The following WNT2B variants were observed in gnomAD, a reference collection of about 807,000 sequenced individuals.
WNT2B encodes protein Wnt-2b.
WNT2B carries 19 observed loss-of-function variants against 40.5 expected under a neutral mutation model. The observed-to-expected ratio is 0.47, with a 90% CI of 0.33 to 0.69. WNT2B has a LOEUF of 0.69. WNT2B is among the 30% of genes least tolerant of loss of function. The probability of loss-of-function intolerance (pLI) is 0.02; values close to 1 mark genes in which losing one functional copy is unlikely to be tolerated. For synonymous variants in WNT2B, 220 were observed against 211.9 expected, an observed-to-expected ratio of 1.04 and a Z score of -0.33; for missense variants, 467 against 556.4, an observed-to-expected ratio of 0.84 and a Z score of 1.62.
At chr1:112,491,970 C>T (rs1322051192) in intron 1 of WNT2B, among the ~76,000 whole-genome samples, 2 of 152,066 alleles carry the variant, frequency 1.3e-5, no homozygotes, top group African/African-American at 4.8e-5. Context: ...GTTTCATCAT[C>T]ATGGGAGTGA....
At chr1:112,495,738 A>G (rs535797592) in intron 1 of WNT2B, among the ~76,000 whole-genome samples, 5 of 152,354 alleles carry the variant, frequency 3.3e-5, no homozygotes, top group African/African-American at 9.6e-5. Flanking sequence ...TATAAACAAA[A>G]ACACTATTTT....
intron 1 of WNT2B, among the ~76,000 whole-genome samples, chr1:112,489,385 C>T (rs1442714279): frequency 6.6e-6 from 1 of 151,864 alleles, no homozygotes; most frequent in Non-Finnish European, 1.5e-5. Context: ...ATGGTGAAAG[C>T]CCATCTCTAC....
upstream of WNT2B, chr1:112,508,901 G>T: frequency 9.5e-7 from 1 of 1,055,046 alleles, no homozygotes; most frequent in Non-Finnish European, 1.1e-6. This position sits in a 1 kb window ranked among gnomAD's most constrained non-coding sequence, Gnocchi z 4.2. Context: ...AGGGCCGCGC[G>T]TGTCCCCGGC....
intron 1 of WNT2B, among the ~76,000 whole-genome samples, chr1:112,502,084 G>A (rs1225892227): frequency 3.9e-5 from 6 of 152,234 alleles, no homozygotes. Context: ...TCCGGGGCTG[G>A]GGCCCTGGCC....
In WNT2B at chr1:112,495,430, C is replaced by CA. The variant is rs796075579; in HGVS notation, c.-94-19435dup. Among the ~76,000 whole-genome samples the CA allele has an allele frequency of 3.1e-3, 468 of 150,304 alleles. 2 individuals are homozygous for CA. The highest frequency in any genetic ancestry group is 0.011 in the African/African-American group (434 of 41,052). On this transcript the variant is annotated intron_variant, in intron 1 of 4. Coordinates refer to the WNT2B transcript ENST00000256640. ...GTCTCTACTAAAAATACAAAAAAAA[C>CA]AAAAAAAAATTAGCTGGGCATGGTG...
At chr1:112,479,700 A>C (rs1469689711) in intron 1 of WNT2B, among the ~76,000 whole-genome samples, 1 of 151,966 alleles carries the variant, frequency 6.6e-6, no homozygotes, top group African/African-American at 2.4e-5. Context: ...AATTGAAGTT[A>C]AGTTTTTTTG....
chr1:112,510,339 G>A (rs1474954436), intron 1 of WNT2B, among the ~76,000 whole-genome samples: 2 of 152,184 alleles, frequency 1.3e-5, no homozygotes, highest in Non-Finnish European at 2.9e-5. Flanking sequence ...TCCCCACCAT[G>A]GGGAGAGGGC....
At chr1:112,508,817 C>A, upstream of WNT2B, 21 of 991,004 alleles carry the variant, frequency 2.1e-5, no homozygotes, top group Non-Finnish European at 2.5e-5. This position sits in a 1 kb window ranked among gnomAD's most constrained non-coding sequence, Gnocchi z 4.2. Context: ...GCGGGAGCCC[C>A]GAGGGGCGGA....
At chr1:112,508,666 A>G (rs1652208174), upstream of WNT2B, 1 of 973,384 alleles carries the variant, frequency 1.0e-6, no homozygotes, top group Non-Finnish European at 1.2e-6. This position sits in a 1 kb window ranked among gnomAD's most constrained non-coding sequence, Gnocchi z 4.2. Flanking sequence ...GCCGTCACCC[A>G]TAGAAGTGGG....
chr1:112,479,362 T>G (rs1021489810), intron 1 of WNT2B, among the ~76,000 whole-genome samples: 1 of 151,874 alleles, frequency 6.6e-6, no homozygotes, highest in African/African-American at 2.4e-5. Flanking sequence ...TCACCTGAGG[T>G]CAGGAGTTTG....
chr1:112,506,600 A>T (rs1362168517), upstream of WNT2B, among the ~76,000 whole-genome samples: 1 of 152,140 alleles, frequency 6.6e-6, no homozygotes, highest in Non-Finnish European at 1.5e-5. Flanking sequence ...CTGTGTAGGG[A>T]TGGGGCTGGG....
intron 1 of WNT2B, among the ~76,000 whole-genome samples, chr1:112,497,581 C>T (rs749627559): frequency 6.6e-6 from 1 of 152,368 alleles, no homozygotes; most frequent in Non-Finnish European, 1.5e-5. Context: ...ATGGGCACAA[C>T]AGCCACAAAG....
intron 1 of WNT2B, among the ~76,000 whole-genome samples, chr1:112,492,495 A>T (rs148563004): frequency 6.6e-6 from 1 of 152,332 alleles, no homozygotes; most frequent in Non-Finnish European, 1.5e-5. Context: ...AGGACCTCAC[A>T]TATTGTGAGT....
intron 1 of WNT2B, among the ~76,000 whole-genome samples, chr1:112,471,810 A>G (rs544799071): frequency 1.3e-3 from 203 of 152,354 alleles, no homozygotes; most frequent in Middle Eastern, 6.8e-3. Context: ...TAGAAAATTC[A>G]TCTAGTTCTC....
chr1:112,514,932 C>T lies in WNT2B; in HGVS notation c.241C>T (p.Arg81Trp), dbSNP rs374175549. The T allele has an allele frequency of 5.0e-6, 8 of 1,614,198 alleles. No homozygotes were observed. In the Middle Eastern group the frequency reaches 4.9e-4, roughly 100 times the overall value. ...TGACAATATCCCTGGTTTGGTGAGC[C>T]GGCAGCGGCAGCTGTGCCAGCGTTA... ...ICDNIPGLVS[R>W]QRQLCQRYPD... Residue 81 changes from arginine (R) to tryptophan (W), a missense_variant, in exon 2 of 5, where the codon CGG becomes TGG. Arg to Trp is a moderately radical substitution (Grantham distance 101). Coordinates refer to ENST00000369684, the MANE Select transcript of WNT2B (RefSeq NM_024494.3).
At chr1:112,490,529 T>C (rs376590731) in intron 1 of WNT2B, among the ~76,000 whole-genome samples, 2 of 150,828 alleles carry the variant, frequency 1.3e-5, no homozygotes, top group South Asian at 4.2e-4. Flanking sequence ...TCGCTCTGTC[T>C]CCCAGGTTGG....
At chr1:112,477,817 A>G (rs775487658) in intron 1 of WNT2B, among the ~76,000 whole-genome samples, 7 of 152,384 alleles carry the variant, frequency 4.6e-5, no homozygotes, top group Non-Finnish European at 7.3e-5. Context: ...ACCTGAAGAC[A>G]CATCATTTGA....
chr1:112,485,879 C>G (rs867351452), intron 1 of WNT2B, among the ~76,000 whole-genome samples: 1 of 152,086 alleles, frequency 6.6e-6, no homozygotes, highest in Middle Eastern at 3.2e-3. Flanking sequence ...GCCTCTAATC[C>G]CAGCTACTTT....
chr1:112,490,716 C>T (rs984142086), intron 1 of WNT2B, among the ~76,000 whole-genome samples: 1 of 152,120 alleles, frequency 6.6e-6, no homozygotes, highest in Non-Finnish European at 1.5e-5. Context: ...GTCTCGATCT[C>T]CTGACCTCGT....
Sources: gnomAD v4.1 joint callset for allele counts (sites outside exome capture counted in the v4.1 genomes callset) on GRCh38, gnomAD v4.1.1 for gene constraint, Gnocchi (gnomAD v3.1) non-coding constraint, MANE v1.5 for transcripts, NCBI Gene and HGNC (gene_info 2026-07-23, HGNC 2026-07-21) for gene names.